KLRC1: variants seen among roughly 807,000 people sequenced by gnomAD.
KLRC1 encodes NKG2-A/NKG2-B type II integral membrane protein.
A neutral mutation model predicts 25.9 loss-of-function variants in KLRC1; 22 were observed. The observed-to-expected ratio is 0.85, with a 90% confidence interval of 0.61 to 1.21. The LOEUF is 1.21. Among genes scored for constraint, KLRC1 ranks in the 50% most tolerant of loss-of-function variants. KLRC1 has a pLI of 0.00. For missense variants in KLRC1, 240 were observed against 272.2 expected, an observed-to-expected ratio of 0.88 and a Z score of 0.83; for synonymous variants, 77 against 93.1, an observed-to-expected ratio of 0.83 and a Z score of 0.99.
chr12:10,445,244 T>C (rs879462870), downstream of KLRC1, among the ~76,000 whole-genome samples: 4 of 152,084 alleles, frequency 2.6e-5, no homozygotes, highest in Non-Finnish European at 5.9e-5. Context: ...GAGGGAAATA[T>C]ACAATGATCA....
At chr12:10,446,806 G>A in intron 6 of KLRC1, 144 bp from the exon 7 acceptor site, 13 of 1,094,028 alleles carry the variant, frequency 1.2e-5, no homozygotes, top group Non-Finnish European at 1.8e-5. Context: ...TCATTATTCT[G>A]AACACTCAAC....
rs750018164 is a variant in KLRC1, at chr12:10,450,529, A to T, written c.238T>A (p.Cys80Ser). The part of the protein sequence containing the change: ...KLIVGILGII[C>S]LILMASVVTI... Reference sequence around the variant, plus strand: ...ACCACAGAGGCCATTAAGATAAGACAGATAATTCCCAGGATCCCAACAATG... The same window carrying T: ...ACCACAGAGGCCATTAAGATAAGACTGATAATTCCCAGGATCCCAACAATG... Residue 80 changes from cysteine (C) to serine (S), a missense_variant, in exon 3 of 7, where the codon TGT becomes AGT. Cys to Ser is a moderately radical substitution (Grantham distance 112, BLOSUM62 -1). Coordinates refer to ENST00000359151, the MANE Select transcript of KLRC1 (RefSeq NM_002259.5). 205 of 1,611,874 alleles carry T rather than the reference A, an allele frequency of 1.3e-4. 3 individuals are homozygous for T. The East Asian group carries it at 4.5e-3, about 35-fold the overall frequency.
At chr12:10,445,602 C>A (rs564585854), downstream of KLRC1, among the ~76,000 whole-genome samples, 85 of 151,970 alleles carry the variant, frequency 5.6e-4, no homozygotes, top group African/African-American at 1.5e-3. Flanking sequence ...AATAAAACTA[C>A]GTTATAGCAT....
chr12:10,447,526 A>C lies in KLRC1; in HGVS notation c.590+6T>G. 1 of 1,602,872 alleles carries C rather than the reference A, an allele frequency of 6.2e-7. No homozygotes were observed. Among genetic ancestry groups the C allele is most frequent in the Non-Finnish European group, 8.5e-7 (1 of 1,172,074 alleles). ...TTGTTATATAGCGCCATACAAAACA[A>C]CTTACTCATGTTTGAAAGCCAAACC... On this transcript the variant is annotated splice_donor_region_variant and intron_variant, in intron 6 of 6. Transcript: ENST00000359151.
chr12:10,454,290 GT>G (rs1864173851), upstream of KLRC1: 1 of 152,192 alleles, frequency 6.6e-6, no homozygotes, highest in African/African-American at 2.4e-5. Context: ...ACCTAGGAAG[GT>G]TGTTTTAGGG....
At chr12:10,453,922 A>G (rs1043439867), upstream of KLRC1, among the ~76,000 whole-genome samples, 1 of 152,172 alleles carries the variant, frequency 6.6e-6, no homozygotes, top group Non-Finnish European at 1.5e-5. Context: ...CTTGATAAAA[A>G]TATCTTGGAT....
chr12:10,446,710 T>C (rs1863993718), intron 6 of KLRC1, 48 bp from the exon 7 acceptor site: 1 of 1,608,238 alleles, frequency 6.2e-7, no homozygotes, highest in South Asian at 1.1e-5. Context: ...AGCAAATGAT[T>C]CATGAGACGA....
At chr12:10,452,417 A>G (rs1238219536) in intron 1 of KLRC1, among the ~76,000 whole-genome samples, 2 of 152,138 alleles carry the variant, frequency 1.3e-5, no homozygotes, top group Admixed American at 1.3e-4. Context: ...TTTGACACTT[A>G]TAATGTGCGA....
intron 6 of KLRC1, 61 bp from the exon 7 acceptor site, chr12:10,446,723 G>A: frequency 6.3e-7 from 1 of 1,598,226 alleles, no homozygotes; most frequent in Non-Finnish European, 8.6e-7. Flanking sequence ...TGAGACGAAA[G>A]CATTTTCCAT....
intron 3 of KLRC1, chr12:10,450,281 T>G (rs1442300243): frequency 6.1e-6 from 3 of 493,502 alleles, no homozygotes; most frequent in East Asian, 6.7e-5. Flanking sequence ...TCCAAATATA[T>G]ACATACGATT....
At chr12:10,449,479 G>T (rs1864074906) in intron 4 of KLRC1, 91 bp from the exon 5 acceptor site, 3 of 1,541,986 alleles carry the variant, frequency 1.9e-6, no homozygotes, top group Non-Finnish European at 1.7e-6. Flanking sequence ...AAACCTATAC[G>T]TATGCAACAT....
downstream of KLRC1, among the ~76,000 whole-genome samples, chr12:10,445,041 T>C (rs1053019139): frequency 6.7e-6 from 1 of 150,332 alleles, no homozygotes; most frequent in African/African-American, 2.5e-5. Context: ...TGCCTCAGCC[T>C]CTCGAGTAGC....
intron 1 of KLRC1, among the ~76,000 whole-genome samples, chr12:10,451,989 GTCTTT>G (rs1224280822): frequency 1.3e-5 from 2 of 151,416 alleles, no homozygotes; most frequent in Admixed American, 1.3e-4. Context: ...TAATTAAATG[GTCTTT>G]TCTTAATGGC....
At chr12:10,451,771 T>TG (rs1339670266) in intron 1 of KLRC1, among the ~76,000 whole-genome samples, 1 of 152,230 alleles carries the variant, frequency 6.6e-6, no homozygotes, top group Admixed American at 6.5e-5. Flanking sequence ...TCTTAAAGTC[T>TG]GATGTTTTAC....
At chr12:10,447,202 C>T (rs1428215230) in intron 6 of KLRC1, 1 of 205,218 alleles carries the variant, frequency 4.9e-6, no homozygotes, top group East Asian at 1.2e-4. Flanking sequence ...TTTCTTAAAA[C>T]ATTCTGTGAT....
In KLRC1 at chr12:10,446,371, A is replaced by C; in HGVS notation, c.*180T>G. The C allele has an allele frequency of 7.3e-7, 1 of 1,376,064 alleles. No homozygotes were observed. The highest frequency in any genetic ancestry group is 9.4e-7 in the Non-Finnish European group (1 of 1,060,622). The allele number at this position is 1,376,064 out of a possible 1,614,324, so 85.2% of individuals were successfully genotyped here. A position where few individuals can be genotyped will look rare whatever the true frequency, so the allele number is the denominator to read the frequency against. ...CCATGTTGAGCAAAATGAGCCCGAC[A>C]CAAATGCTAGGATGTCTGTACTTTA... On this transcript the variant is annotated 3_prime_UTR_variant, in exon 7 of 7. Transcript: ENST00000359151.
chr12:10,452,917 AAATT>A (rs1180151385), intron 1 of KLRC1, among the ~76,000 whole-genome samples: 1 of 152,212 alleles, frequency 6.6e-6, no homozygotes, highest in African/African-American at 2.4e-5. Context: ...ACAAAATACA[AAATT>A]AATTGTTCAT....
chr12:10,447,328 T>C (rs1389004623), intron 6 of KLRC1: 3 of 139,134 alleles, frequency 2.2e-5, no homozygotes, highest in Non-Finnish European at 3.8e-5. Flanking sequence ...GGACACCTGA[T>C]AATCAAGAAG....
chr12:10,449,841 T>C (rs1864083818), intron 4 of KLRC1, 73 bp downstream of exon 4: 1 of 1,241,642 alleles, frequency 8.1e-7, no homozygotes, highest in Non-Finnish European at 1.1e-6. Flanking sequence ...CACCCAAAAT[T>C]TTATTTTTGT....
Sources: allele counts gnomAD v4.1 joint callset (sites outside exome capture counted in the v4.1 genomes callset), GRCh38; gene constraint gnomAD v4.1.1; transcripts MANE v1.5; gene names NCBI Gene and HGNC (gene_info 2026-07-23, HGNC 2026-07-21).